The following RBFOX1 variants were observed in gnomAD, a reference collection of about 807,000 sequenced individuals.
The protein encoded by RBFOX1 is RNA binding protein fox-1 homolog 1.
RBFOX1 carries 8 observed loss-of-function variants against 57.7 expected under a neutral mutation model. That is an observed-to-expected ratio of 0.14 (90% CI 0.08 to 0.25). The LOEUF (loss-of-function observed/expected upper bound fraction) is 0.25. Ranked by LOEUF, RBFOX1 falls within the 10% of genes least tolerant of loss-of-function variation. RBFOX1 has a pLI of 1.00. For missense variants in RBFOX1, 611 were observed against 548.5 expected, an observed-to-expected ratio of 1.11 and a Z score of -1.14; for synonymous variants, 326 against 222.4, an observed-to-expected ratio of 1.47 and a Z score of -4.15.
chr16:7,277,556 C>A (rs980515299), intron 4 of RBFOX1, among the ~76,000 whole-genome samples: 10 of 151,996 alleles, frequency 6.6e-5, no homozygotes, highest in Admixed American at 5.9e-4. Flanking sequence ...GGATCCTAAA[C>A]TAGATGTTCT....
intron 2 of RBFOX1, among the ~76,000 whole-genome samples, chr16:6,645,085 G>C (rs953546191): frequency 1.3e-5 from 2 of 152,140 alleles, no homozygotes; most frequent in Non-Finnish European, 2.9e-5. Flanking sequence ...GCCTCTTCCA[G>C]TGTCTGGTAG....
chr16:7,093,375 A>G (rs956329686), intron 4 of RBFOX1, among the ~76,000 whole-genome samples: 1 of 152,184 alleles, frequency 6.6e-6, no homozygotes, highest in African/African-American at 2.4e-5. Context: ...GTTGTCTCGA[A>G]TATTCCAGCC....
chr16:6,821,822 G>A (rs1409388026), intron 3 of RBFOX1, among the ~76,000 whole-genome samples: 1 of 152,180 alleles, frequency 6.6e-6, no homozygotes, highest in Non-Finnish European at 1.5e-5. Context: ...GAATGATGCT[G>A]TTATGAACAT....
intron 4 of RBFOX1, among the ~76,000 whole-genome samples, chr16:7,463,319 C>T (rs1169434398): frequency 6.6e-6 from 1 of 152,170 alleles, no homozygotes; most frequent in Non-Finnish European, 1.5e-5. Context: ...GCATGGGCAA[C>T]ATGGTGTAAC....
intron 4 of RBFOX1, among the ~76,000 whole-genome samples, chr16:7,112,952 C>G (rs17142353): frequency 0.016 from 2,438 of 152,266 alleles, 75 homozygotes; most frequent in African/African-American, 0.055. Flanking sequence ...TCTGCAAGTG[C>G]TGGCACCCTC....
chr16:7,311,184 A>C (rs985738205), intron 4 of RBFOX1, among the ~76,000 whole-genome samples: 2 of 152,178 alleles, frequency 1.3e-5, no homozygotes, highest in Non-Finnish European at 1.5e-5. Flanking sequence ...TGGAGCTGGG[A>C]CTGGGAAACT....
chr16:6,035,834 A>G (rs1462912077), intron 1 of RBFOX1, among the ~76,000 whole-genome samples: 4 of 152,180 alleles, frequency 2.6e-5, no homozygotes, highest in African/African-American at 9.7e-5. Flanking sequence ...TACGCTTTCC[A>G]AAGAGGCAAG....
At position 7,712,225 on chromosome 16, in the gene RBFOX1, A is replaced by AT. The variant is rs1413045941; in HGVS notation, c.*1481dup. The AT allele has an allele frequency of 6.6e-6, 1 of 152,634 alleles. No individual in the cohort carries two copies. The highest frequency in any genetic ancestry group is 6.5e-5 in the Admixed American group (1 of 15,282). 9.5% of individuals were successfully genotyped at this position (152,634 alleles called of 1,614,324 possible). A position where few individuals can be genotyped will look rare whatever the true frequency, so the allele number is the denominator to read the frequency against. On this transcript the variant is annotated 3_prime_UTR_variant, in exon 16 of 16. Coordinates refer to ENST00000550418, the MANE Select transcript of RBFOX1 (RefSeq NM_018723.4). ...ACGGGTCTTCCTGTTTTGTATTTAAATAAAAACAACAGCAGCAGGCTGTCC... is the reference window on the plus strand; with the variant it reads ...ACGGGTCTTCCTGTTTTGTATTTAAATTAAAAACAACAGCAGCAGGCTGTCC...
intron 4 of RBFOX1, 133 bp downstream of exon 4, chr16:7,052,231 TA>T: frequency 7.4e-7 from 1 of 1,348,630 alleles, no homozygotes; most frequent in Non-Finnish European, 9.8e-7. Flanking sequence ...TGAAAATATT[TA>T]TCCCAGCTTA....
At chr16:6,636,649 C>T (rs546791149) in intron 2 of RBFOX1, among the ~76,000 whole-genome samples, 15 of 150,286 alleles carry the variant, frequency 1.0e-4, no homozygotes, top group East Asian at 5.8e-4. Flanking sequence ...GTAAACATTG[C>T]GAAATGCCTC....
chr16:5,990,518 A>C (rs1460755344), intron 4 of RBFOX1, among the ~76,000 whole-genome samples: 1 of 152,162 alleles, frequency 6.6e-6, no homozygotes, highest in African/African-American at 2.4e-5. Flanking sequence ...TGCCCTCCCA[A>C]GGGATTTCTG....
At chr16:7,096,012 CAAA>C (rs71408498) in intron 4 of RBFOX1, among the ~76,000 whole-genome samples, 1 of 111,464 alleles carries the variant, frequency 9.0e-6, no homozygotes, top group African/African-American at 3.5e-5. Flanking sequence ...GACTCTGTCT[CAAA>C]AAAAAAAAAA....
At chr16:7,695,508 C>T (rs1598313505) in intron 14 of RBFOX1, among the ~76,000 whole-genome samples, 1 of 152,098 alleles carries the variant, frequency 6.6e-6, no homozygotes, top group Non-Finnish European at 1.5e-5. Context: ...CAAAAATTAG[C>T]CGGGTGTGGT....
intron 1 of RBFOX1, among the ~76,000 whole-genome samples, chr16:5,453,948 A>G (rs911261528): frequency 6.6e-6 from 1 of 152,114 alleles, no homozygotes; most frequent in Non-Finnish European, 1.5e-5. Context: ...CCAAGTATGA[A>G]AAAGATGGGG....
intron 2 of RBFOX1, among the ~76,000 whole-genome samples, chr16:6,575,221 T>A (rs1452656694): frequency 6.6e-6 from 1 of 152,168 alleles, no homozygotes; most frequent in Non-Finnish European, 1.5e-5. Flanking sequence ...CTGTGTCATA[T>A]CATAACTCTG....
At chr16:6,632,907 T>C (rs2098401738) in intron 2 of RBFOX1, among the ~76,000 whole-genome samples, 1 of 152,192 alleles carries the variant, frequency 6.6e-6, no homozygotes, top group Non-Finnish European at 1.5e-5. Flanking sequence ...AGGATGCTGA[T>C]GGGAAATTGT....
chr16:5,582,610 A>C (rs1373452855), intron 2 of RBFOX1, among the ~76,000 whole-genome samples: 1 of 136,498 alleles, frequency 7.3e-6, no homozygotes, highest in Non-Finnish European at 1.5e-5. Context: ...AATGCCAATG[A>C]CGTGATCTTG....
intron 4 of RBFOX1, among the ~76,000 whole-genome samples, chr16:7,185,232 C>A (rs1602201334): frequency 6.6e-6 from 1 of 152,114 alleles, no homozygotes; most frequent in South Asian, 2.1e-4. Flanking sequence ...TCACTTATGA[C>A]CACAGAATTA....
At position 6,543,110 on chromosome 16, in the gene RBFOX1, T is replaced by A. The variant is rs549199648; in HGVS notation, c.-63-111493T>A. 8.5e-5 allele frequency among the ~76,000 whole-genome samples: 13 copies of A among 152,320 alleles called. 1 individual carries two copies. In the South Asian group the frequency reaches 1.7e-3, roughly 19 times the overall value. ...TTTCAAATGGAAATAAGCTCCGTGT[T>A]TAGCAGATAAGGAGAGTTACACTCA... On this transcript the variant is annotated intron_variant, in intron 2 of 15. Coordinates refer to ENST00000550418, the MANE Select transcript of RBFOX1 (RefSeq NM_018723.4).
Sources: allele counts gnomAD v4.1 joint callset (sites outside exome capture counted in the v4.1 genomes callset), GRCh38; gene constraint gnomAD v4.1.1; transcripts MANE v1.5; gene names NCBI Gene and HGNC (gene_info 2026-07-23, HGNC 2026-07-21).